MYH6: variants seen among roughly 807,000 people sequenced by gnomAD.
The protein encoded by MYH6 is myosin-6.
MYH6 carries 126 observed loss-of-function variants against 223.2 expected under a neutral mutation model. The observed-to-expected ratio is 0.56, with a 90% confidence interval of 0.49 to 0.65. The LOEUF is 0.65. MYH6 is among the 30% of genes least tolerant of loss of function. The pLI, the probability that MYH6 is intolerant of heterozygous loss-of-function variation, is 0.00. For missense variants in MYH6, 2,040 were observed against 2,536.4 expected (o/e 0.80, Z 4.20); for synonymous variants, 978 against 1,010.2 (o/e 0.97, Z 0.61).
intron 36 of MYH6, among the ~76,000 whole-genome samples, 155 bp downstream of exon 36, chr14:23,384,287 T>C (rs1017012056): frequency 6.6e-6 from 1 of 152,074 alleles, no homozygotes; most frequent in Non-Finnish European, 1.5e-5. Flanking sequence ...GAAAAACTCA[T>C]AGACTCAAGT....
chr14:23,407,372 C>T lies in MYH6; in HGVS notation c.-13-136G>A. ...GGAGAGGCACCTGCTGTTGCACCCTCCCCTACTCAGGGCTCTGCTTCTCCT... is the reference window on the plus strand; with the variant it reads ...GGAGAGGCACCTGCTGTTGCACCCTTCCCTACTCAGGGCTCTGCTTCTCCT... On this transcript the variant is annotated intron_variant, in intron 2 of 38. Transcript: ENST00000405093. The surrounding 1 kb of genome is among the most constrained non-coding windows in gnomAD (Gnocchi z 5.6). The T allele has an allele frequency of 2.6e-6, 3 of 1,154,316 alleles. No individual in the cohort carries two copies. Among genetic ancestry groups the T allele is most frequent in the Non-Finnish European group, 3.7e-6 (3 of 803,782 alleles). 71.5% of individuals were successfully genotyped at this position (1,154,316 alleles called of 1,614,324 possible). A position where few individuals can be genotyped will look rare whatever the true frequency, so the allele number is the denominator to read the frequency against.
intron 12 of MYH6, 123 bp from the exon 13 acceptor site, chr14:23,401,100 G>A (rs1039554580): frequency 8.2e-6 from 12 of 1,468,226 alleles, no homozygotes. Flanking sequence ...TCCACCTCCT[G>A]GGTTCAAGTG....
At chr14:23,401,787 C>T (rs1447229511) in intron 12 of MYH6, among the ~76,000 whole-genome samples, 2 of 152,208 alleles carry the variant, frequency 1.3e-5, no homozygotes, top group Non-Finnish European at 2.9e-5. Flanking sequence ...CCCCAGCCAT[C>T]CAAATGTGCC....
chr14:23,397,627 G>T lies in MYH6; in HGVS notation c.1892-14C>A, dbSNP rs573517144. The T allele has an allele frequency of 1.9e-6, 3 of 1,613,832 alleles. No homozygotes were observed. Among genetic ancestry groups the T allele is most frequent in the East Asian group, 4.5e-5 (2 of 44,878 alleles). On this transcript the variant is annotated splice_polypyrimidine_tract_variant and intron_variant, in intron 15 of 38. Transcript: ENST00000405093. ...TACCACTGTCCCCTAAACAGCGAGA[G>T]GAGAAATAATCAACAGGAGCTGGAA... is the stretch of plus-strand genomic sequence containing the variant.
Position 23,394,175 on chromosome 14 carries a change from G to T in MYH6, c.2578C>A (p.Arg860Ser), listed in dbSNP as rs1025146248. The stretch of plus-strand genomic sequence containing the variant: ...GACTTCTCCAGCGTCTCTTTGATGC[G>T]CCCGAACTCTTCCTTCATGGTGGCC... ...EMATMKEEFG[R>S]IKETLEKSEA... The change falls in exon 21 of 39, where the codon CGC becomes AGC. Residue 860 changes from arginine to serine, a missense_variant. By Grantham distance (110) the Arg-to-Ser change is moderately radical. This residue lies in a region of MYH6 where 1,203 missense variants were observed against 1,400.2 expected (regional missense o/e 0.86). Coordinates refer to ENST00000405093, the MANE Select transcript of MYH6 (RefSeq NM_002471.4). The T allele has an allele frequency of 2.5e-6, 4 of 1,614,148 alleles. No individual in the cohort carries two copies. Among genetic ancestry groups the T allele is most frequent in the Non-Finnish European group, 8.5e-7 (1 of 1,180,022 alleles).
At chr14:23,399,591 C>T (rs892771046) in intron 14 of MYH6, 1 of 194,506 alleles carries the variant, frequency 5.1e-6, no homozygotes, top group Admixed American at 5.3e-5. Flanking sequence ...TGCACAAGCA[C>T]ACACATGTAT....
rs1408738971 is a variant in MYH6 at position 23,405,406 on chromosome 14, G to A, written c.346-27C>T. 3.7e-6 allele frequency: 6 copies of A among 1,614,058 alleles called. No homozygotes were observed. The highest frequency in any genetic ancestry group is 5.1e-6 in the Non-Finnish European group (6 of 1,179,926). On this transcript the variant is annotated intron_variant, in intron 4 of 38. Transcript: ENST00000405093. This position sits in a 1 kb window ranked among gnomAD's most constrained non-coding sequence, Gnocchi z 4.7. Reference sequence around the variant, plus strand: ...TGGAGCAGGAGACAAGGCTGGGCATGAGGTTGGTGGGGAGAGCCTGGGACA... The same window carrying A: ...TGGAGCAGGAGACAAGGCTGGGCATAAGGTTGGTGGGGAGAGCCTGGGACA...
In MYH6 at chr14:23,388,207, C is replaced by A; in HGVS notation, c.4307G>T (p.Arg1436Leu). Reference sequence around the variant, plus strand: ...CAGGGCTGCAGCAGCAGCATTGGAGCGCTCTACGTCCACCATCAAGTCCTC... The same window carrying A: ...CAGGGCTGCAGCAGCAGCATTGGAGAGCTCTACGTCCACCATCAAGTCCTC... ...EIEDLMVDVE[R>L]SNAAAAALDK... Residue 1436 changes from arginine to leucine, a missense_variant, in exon 30 of 39, where the codon CGC becomes CTC. By Grantham distance (102) the Arg-to-Leu change is moderately radical. Transcript: ENST00000405093. 2.5e-6 allele frequency: 4 copies of A among 1,612,420 alleles called. No individual in the cohort carries two copies. Among genetic ancestry groups the A allele is most frequent in the Non-Finnish European group, 3.4e-6 (4 of 1,180,042 alleles).
chr14:23,389,569 AG>A, intron 27 of MYH6, 23 bp downstream of exon 27: 2 of 1,614,160 alleles, frequency 1.2e-6, no homozygotes, highest in African/African-American at 1.3e-5. Context: ...TGCCCTAGGC[AG>A]GGGGTTGGTT....
Position 23,384,717 on chromosome 14 carries a change from C to T in MYH6, c.5290G>A (p.Ala1764Thr). 2 of 1,614,262 alleles carry T rather than the reference C, an allele frequency of 1.2e-6. No individual in the cohort carries two copies. Among genetic ancestry groups the T allele is most frequent in the Admixed American group, 3.3e-5 (2 of 60,036 alleles). ...TTCAGCTCCTCTGCCATCATGGCGG[C>T]CTGTGTGCAGGAGAGAGGTGGCAAG... ...EEKAKKAITD[A>T]AMMAEELKKE... is the part of the protein sequence containing the mutation. Residue 1764 changes from alanine (A) to threonine (T), a missense_variant and splice_region_variant, in exon 36 of 39, where the codon GCC becomes ACC. Ala to Thr is a moderately conservative substitution (Grantham distance 58, BLOSUM62 0). Transcript: ENST00000405093.
At chr14:23,384,743 G>C in intron 35 of MYH6, 26 bp from the exon 36 acceptor site, 1 of 1,614,220 alleles carries the variant, frequency 6.2e-7, no homozygotes, top group South Asian at 1.1e-5. Context: ...AGGTGGCAAG[G>C]AACATGGGCC....
intron 24 of MYH6, 58 bp downstream of exon 24, chr14:23,392,854 C>A: frequency 6.2e-7 from 1 of 1,607,748 alleles, no homozygotes. Flanking sequence ...GCACCCTGCA[C>A]TCTATCTACC....
rs370868497 is a variant in MYH6 at position 23,384,460 on chromosome 14, G to A, written c.5547C>T (p.Ile1849=). 5.0e-6 allele frequency: 8 copies of A among 1,611,312 alleles called. No homozygotes were observed. Among genetic ancestry groups the A allele is most frequent in the South Asian group, 2.2e-5 (2 of 91,078 alleles). Residue 1849 remains isoleucine (I), a synonymous_variant, in exon 36 of 39, where the codon ATC becomes ATT. Transcript: ENST00000405093. The stretch of plus-strand genomic sequence containing the variant: ...GCCGCACCTGGTAGGTGAGCTCCTT[G>A]ATGCGCCGCTCGCTCTTCCTCATGC... ...VKGMRKSERR[I]KELTYQTEED...
chr14:23,399,081 C>T (rs1284917202), intron 14 of MYH6, 44 bp from the exon 15 acceptor site: 4 of 1,607,408 alleles, frequency 2.5e-6, no homozygotes, highest in Middle Eastern at 3.5e-4. Context: ...ACTGAGCACA[C>T]TCCCAGGCTT....
rs1490799155 is a variant in MYH6 at position 23,387,750 on chromosome 14, C to T, written c.4525+8G>A. ...ACTCATCTCTGGCCTCTTGGACCCCCAGCACACCCTGAAGGTTCTTGTTCT... is the reference window on the plus strand; with the variant it reads ...ACTCATCTCTGGCCTCTTGGACCCCTAGCACACCCTGAAGGTTCTTGTTCT... On this transcript the variant is annotated splice_region_variant and intron_variant, in intron 31 of 38. Coordinates refer to ENST00000405093, the MANE Select transcript of MYH6 (RefSeq NM_002471.4). 6.2e-7 allele frequency: 1 copy of T among 1,613,990 alleles called. No individual in the cohort carries two copies. Among genetic ancestry groups the T allele is most frequent in the Non-Finnish European group, 8.5e-7 (1 of 1,180,028 alleles).
chr14:23,402,841 C>A (rs758503629), intron 10 of MYH6, 41 bp from the exon 11 acceptor site: 1 of 806,420 alleles, frequency 1.2e-6, no homozygotes, highest in Non-Finnish European at 1.6e-6. Flanking sequence ...AGGGGGCAGG[C>A]GGAGGGCAGG....
intron 12 of MYH6, among the ~76,000 whole-genome samples, 177 bp from the exon 13 acceptor site, chr14:23,401,154 G>A (rs895172876): frequency 1.3e-5 from 2 of 152,152 alleles, no homozygotes; most frequent in Admixed American, 6.5e-5. Context: ...CTACAGACAT[G>A]AGCCACCATG....
At position 23,405,511 on chromosome 14, in the gene MYH6, G is replaced by A. The variant is rs530479559; in HGVS notation, c.345+116C>T. 1.3e-6 allele frequency: 2 copies of A among 1,595,082 alleles called. No homozygotes were observed. The highest frequency in any genetic ancestry group is 2.2e-5 in the South Asian group (2 of 90,170). ...CTGCAGCTGACTAGGGGTGGAGGGG[G>A]GAAGGGGACTTGGGTCCCTTGGGAG... On this transcript the variant is annotated intron_variant, in intron 4 of 38. Coordinates refer to ENST00000405093, the MANE Select transcript of MYH6 (RefSeq NM_002471.4). The surrounding 1 kb of genome is among the most constrained non-coding windows in gnomAD (Gnocchi z 4.7).
chr14:23,392,142 G>A (rs938609407), intron 25 of MYH6, among the ~76,000 whole-genome samples: 3 of 152,020 alleles, frequency 2.0e-5, no homozygotes, highest in Non-Finnish European at 4.4e-5. Flanking sequence ...GCCTGGGTTA[G>A]TGGCTGGGGT....
Sources: gnomAD v4.1 joint callset for allele counts (sites outside exome capture counted in the v4.1 genomes callset) on GRCh38, gnomAD v4.1.1 for gene constraint, gnomAD v4.1.1 regional missense constraint, Gnocchi (gnomAD v3.1) non-coding constraint, MANE v1.5 for transcripts, NCBI Gene and HGNC (gene_info 2026-07-23, HGNC 2026-07-21) for gene names.